The following FHOD3 variants were observed in gnomAD, a reference collection of about 807,000 sequenced individuals.
FHOD3 encodes the protein formin homology 2 domain containing 3.
Under a neutral mutation model 173.0 loss-of-function variants are expected in FHOD3, and 90 were observed. That is an observed-to-expected ratio of 0.52 (90% CI 0.44 to 0.62). The LOEUF (loss-of-function observed/expected upper bound fraction) is 0.62, where lower values mean the gene tolerates loss of function less well. Among genes scored for constraint, FHOD3 ranks in the 20% least tolerant of loss-of-function variants. The pLI is 0.00. For missense variants in FHOD3, 1,945 were observed against 2,034.7 expected, an observed-to-expected ratio of 0.96 and a Z score of 0.85; for synonymous variants, 828 against 823.0, an observed-to-expected ratio of 1.01 and a Z score of -0.10.
intron 14 of FHOD3, among the ~76,000 whole-genome samples, chr18:36,663,887 C>T (rs2036977019): frequency 6.6e-6 from 1 of 152,222 alleles, no homozygotes; most frequent in Non-Finnish European, 1.5e-5. Flanking sequence ...CCCTATGAAT[C>T]CACATGCTTG....
At chr18:36,520,801 A>G (rs937203912) in intron 5 of FHOD3, among the ~76,000 whole-genome samples, 4 of 152,192 alleles carry the variant, frequency 2.6e-5, no homozygotes, top group African/African-American at 9.6e-5. Context: ...ATTCCTACAC[A>G]GAGAGTGTGG....
chr18:36,454,362 T>C (rs1490858652), intron 3 of FHOD3, among the ~76,000 whole-genome samples: 1 of 151,926 alleles, frequency 6.6e-6, no homozygotes, highest in Non-Finnish European at 1.5e-5. Context: ...AGCACACACA[T>C]GAGCGCATAT....
chr18:36,366,580 C>T (rs1295919118), intron 2 of FHOD3, among the ~76,000 whole-genome samples: 3 of 152,290 alleles, frequency 2.0e-5, no homozygotes, highest in South Asian at 2.1e-4. Context: ...GCTTCAGAGT[C>T]GATGTTTTTC....
intron 17 of FHOD3, among the ~76,000 whole-genome samples, chr18:36,700,261 G>A (rs569510421): frequency 2.0e-5 from 3 of 151,994 alleles, no homozygotes; most frequent in Non-Finnish European, 2.9e-5. Flanking sequence ...CAGGGCGTGT[G>A]TATTGCACTT....
At chr18:36,588,681 G>A (rs886456579) in intron 6 of FHOD3, among the ~76,000 whole-genome samples, 1 of 152,104 alleles carries the variant, frequency 6.6e-6, no homozygotes, top group African/African-American at 2.4e-5. Context: ...TATAGTTCTT[G>A]TATTTCTGTA....
At chr18:36,735,850 T>G (rs2041603157) in intron 20 of FHOD3, among the ~76,000 whole-genome samples, 1 of 152,244 alleles carries the variant, frequency 6.6e-6, no homozygotes, top group Non-Finnish European at 1.5e-5. Context: ...TTACTCATTA[T>G]AGTTTCATGT....
At chr18:36,433,382 TCCA>T (rs1741573327) in intron 3 of FHOD3, among the ~76,000 whole-genome samples, 1 of 152,206 alleles carries the variant, frequency 6.6e-6, no homozygotes, top group African/African-American at 2.4e-5. Context: ...TAAATTCCTT[TCCA>T]CCTCAAGTTC....
At chr18:36,617,595 G>GTA (rs2033321379) in intron 9 of FHOD3, among the ~76,000 whole-genome samples, 2 of 106,792 alleles carry the variant, frequency 1.9e-5, no homozygotes, top group South Asian at 8.9e-4. Flanking sequence ...GTGTGTGTGT[G>GTA]TGTGTGTGTG....
At chr18:36,678,599 T>G (rs1313259007) in intron 14 of FHOD3, among the ~76,000 whole-genome samples, 1 of 149,528 alleles carries the variant, frequency 6.7e-6, no homozygotes, top group Non-Finnish European at 1.5e-5. Flanking sequence ...GTTTTTAAAA[T>G]TTTCCTTGCC....
intron 3 of FHOD3, among the ~76,000 whole-genome samples, chr18:36,390,983 G>C (rs533679988): frequency 6.6e-6 from 1 of 152,362 alleles, no homozygotes; most frequent in South Asian, 2.1e-4. Flanking sequence ...GCCCCAGAAA[G>C]ATAGTCCATG....
chr18:36,745,696 A>T (rs116238467), intron 23 of FHOD3, among the ~76,000 whole-genome samples: 2,113 of 150,842 alleles, frequency 0.014, 51 homozygotes, highest in African/African-American at 0.049. Context: ...ACCTCCACGC[A>T]TCTCCCGCTC....
At chr18:36,775,273 A>G (rs1209310573) in intron 28 of FHOD3, among the ~76,000 whole-genome samples, 2 of 152,244 alleles carry the variant, frequency 1.3e-5, no homozygotes, top group Non-Finnish European at 2.9e-5. Context: ...AAACCCCGAA[A>G]TAACATCTCT....
At chr18:36,657,764 G>T (rs959802160) in intron 13 of FHOD3, among the ~76,000 whole-genome samples, 2 of 152,188 alleles carry the variant, frequency 1.3e-5, no homozygotes, top group African/African-American at 4.8e-5. Context: ...AATTGATTTG[G>T]ATTTTTAATT....
intron 14 of FHOD3, among the ~76,000 whole-genome samples, chr18:36,670,278 T>C (rs2037445264): frequency 1.3e-5 from 2 of 152,100 alleles, no homozygotes; most frequent in Non-Finnish European, 2.9e-5. Flanking sequence ...ACAGTTTTCA[T>C]CAAATTGCGA....
intron 3 of FHOD3, among the ~76,000 whole-genome samples, chr18:36,422,039 C>G (rs1328891097): frequency 6.6e-6 from 1 of 152,182 alleles, no homozygotes; most frequent in Non-Finnish European, 1.5e-5. Flanking sequence ...GTGGCACATT[C>G]ACATGGTTGC....
intron 1 of FHOD3, among the ~76,000 whole-genome samples, chr18:36,323,081 C>G (rs796480002): frequency 2.0e-5 from 3 of 152,250 alleles, no homozygotes; most frequent in African/African-American, 7.2e-5. Flanking sequence ...TGGGGATGAT[C>G]ATGCCTGCCT....
intron 20 of FHOD3, 63 bp from the exon 21 acceptor site, chr18:36,740,593 T>C (rs2041855783): frequency 1.1e-5 from 15 of 1,381,174 alleles, no homozygotes; most frequent in Non-Finnish European, 1.4e-5. Flanking sequence ...TTTTATAACA[T>C]TGAAGGGACA....
At chr18:36,693,178 T>G in intron 16 of FHOD3, 31 bp from the exon 17 acceptor site, 1 of 1,596,130 alleles carries the variant, frequency 6.3e-7, no homozygotes, top group South Asian at 1.1e-5. Context: ...CTCTTTCGTT[T>G]GACGGAAACC....
chr18:36,653,474 A>G, intron 13 of FHOD3, 58 bp downstream of exon 13: 1 of 1,270,052 alleles, frequency 7.9e-7, no homozygotes, highest in East Asian at 2.5e-5. Context: ...ATTCTAATGT[A>G]TGCATTTTTC....
Sources: allele counts gnomAD v4.1 joint callset (sites outside exome capture counted in the v4.1 genomes callset), GRCh38; gene constraint gnomAD v4.1.1; transcripts MANE v1.5; gene names NCBI Gene and HGNC (gene_info 2026-07-23, HGNC 2026-07-21).